FOXP2: variants seen among roughly 807,000 people sequenced by gnomAD.
FOXP2 encodes the protein forkhead box P2, also known as forkhead box protein P2.
A neutral mutation model predicts 115.8 loss-of-function variants in FOXP2; 12 were observed. The observed-to-expected ratio is 0.10, with a 90% CI of 0.07 to 0.17. FOXP2 has a LOEUF of 0.17. FOXP2 is among the 10% of genes least tolerant of loss of function. The pLI is 1.00. For synonymous variants in FOXP2, 328 were observed against 297.7 expected (o/e 1.10, Z -1.05); for missense variants, 629 against 843.5 (o/e 0.75, Z 3.15).
intron 1 of FOXP2, among the ~76,000 whole-genome samples, chr7:114,096,127 G>T (rs764020999): frequency 3.4e-4 from 52 of 152,120 alleles, no homozygotes; most frequent in Non-Finnish European, 6.3e-4. Context: ...TGAAGTGTGC[G>T]AAGGCGACTT....
intron 3 of FOXP2, among the ~76,000 whole-genome samples, chr7:114,557,947 T>C (rs1201701464): frequency 6.6e-6 from 1 of 152,056 alleles, no homozygotes; most frequent in Admixed American, 6.6e-5. Context: ...TAGCTGGGAT[T>C]ACAGGTGCCC....
intron 1 of FOXP2, among the ~76,000 whole-genome samples, chr7:114,264,043 G>T (rs991158276): frequency 6.6e-6 from 1 of 151,926 alleles, no homozygotes; most frequent in Non-Finnish European, 1.5e-5. Flanking sequence ...TTACGCTGCC[G>T]CCCAGGAGTT....
At chr7:114,155,770 A>C (rs1764909469) in intron 1 of FOXP2, among the ~76,000 whole-genome samples, 1 of 152,168 alleles carries the variant, frequency 6.6e-6, no homozygotes, top group Admixed American at 6.5e-5. Context: ...AGCAGGAGTG[A>C]AAGTTTATTA....
chr7:114,128,264 T>C (rs1303568978), intron 1 of FOXP2, among the ~76,000 whole-genome samples: 1 of 152,176 alleles, frequency 6.6e-6, no homozygotes, highest in Admixed American at 6.6e-5. Flanking sequence ...CAACTCTTAA[T>C]GGATACATTT....
chr7:114,089,546 G>A (rs1799500297), intron 1 of FOXP2, among the ~76,000 whole-genome samples: 1 of 151,834 alleles, frequency 6.6e-6, no homozygotes, highest in Non-Finnish European at 1.5e-5. Flanking sequence ...GGTGGAAATA[G>A]GCCCTTAATT....
At chr7:114,505,815 T>A (rs1290275524) in intron 2 of FOXP2, among the ~76,000 whole-genome samples, 1 of 151,642 alleles carries the variant, frequency 6.6e-6, no homozygotes, top group Non-Finnish European at 1.5e-5. Flanking sequence ...AAAAGTCATG[T>A]ATTTTATGTA....
rs1467734154 is a variant in FOXP2 at position 114,566,046 on chromosome 7, C to T, written c.258+31340C>T. On this transcript the variant is annotated intron_variant, in intron 3 of 16. Coordinates refer to ENST00000350908, the MANE Select transcript of FOXP2 (RefSeq NM_014491.4). ...ATTTGCAAAGCTAAAATGTGTTATC[C>T]TGGCACAACCCAATAGCTACATTGT... 2.6e-5 allele frequency among the ~76,000 whole-genome samples: 4 copies of T among 152,244 alleles called. No individual in the cohort carries two copies. In the South Asian group the frequency reaches 6.2e-4, roughly 24 times the overall value.
chr7:114,652,948 C>A (rs1806358049), intron 9 of FOXP2, among the ~76,000 whole-genome samples: 1 of 152,032 alleles, frequency 6.6e-6, no homozygotes, highest in Non-Finnish European at 1.5e-5. Flanking sequence ...AATCAGAAAG[C>A]AATTATGTCA....
intron 1 of FOXP2, among the ~76,000 whole-genome samples, chr7:114,276,323 A>G (rs1403498070): frequency 1.3e-5 from 2 of 151,786 alleles, no homozygotes; most frequent in Non-Finnish European, 2.9e-5. Context: ...ATGCCTGGCT[A>G]ATTTTTATAT....
At chr7:114,621,824 A>G (rs886911893) in intron 3 of FOXP2, among the ~76,000 whole-genome samples, 1 of 152,018 alleles carries the variant, frequency 6.6e-6, no homozygotes, top group Admixed American at 6.6e-5. Context: ...TTATCAATAA[A>G]CACTTAAAAA....
chr7:114,334,658 A>G (rs1256343504), intron 2 of FOXP2, among the ~76,000 whole-genome samples: 1 of 151,174 alleles, frequency 6.6e-6, no homozygotes, highest in Non-Finnish European at 1.5e-5. Context: ...AAACCCATAG[A>G]GAAACTGGGT....
intron 1 of FOXP2, among the ~76,000 whole-genome samples, chr7:114,118,099 C>T (rs1350684949): frequency 6.6e-6 from 1 of 152,120 alleles, no homozygotes; most frequent in Non-Finnish European, 1.5e-5. Context: ...GTAGAGTCTT[C>T]TTTCCACCAT....
intron 1 of FOXP2, among the ~76,000 whole-genome samples, chr7:114,173,578 G>A (rs1422517924): frequency 6.6e-6 from 1 of 151,686 alleles, no homozygotes; most frequent in Non-Finnish European, 1.5e-5. Flanking sequence ...AATGTCTAGG[G>A]AAAATGCATC....
At chr7:114,372,723 T>C (rs990292698) in intron 2 of FOXP2, among the ~76,000 whole-genome samples, 1 of 152,016 alleles carries the variant, frequency 6.6e-6, no homozygotes, top group Non-Finnish European at 1.5e-5. Flanking sequence ...TTTTTTTTGG[T>C]TTTTTTGTTT....
chr7:114,095,091 G>T (rs1416708869), intron 1 of FOXP2, among the ~76,000 whole-genome samples: 1 of 152,134 alleles, frequency 6.6e-6, no homozygotes, highest in African/African-American at 2.4e-5. Flanking sequence ...AAAGTATCTA[G>T]TTATTATCCC....
chr7:114,140,885 A>T (rs4730625), intron 1 of FOXP2, among the ~76,000 whole-genome samples: 6 of 152,188 alleles, frequency 3.9e-5, no homozygotes, highest in African/African-American at 1.4e-4. Context: ...TCTGTGATAC[A>T]CAAGGATGTT....
chr7:114,388,711 A>G (rs889559558), intron 2 of FOXP2, among the ~76,000 whole-genome samples: 1 of 152,238 alleles, frequency 6.6e-6, no homozygotes, highest in African/African-American at 2.4e-5. Context: ...ATGGACAATT[A>G]CTTGTTATTT....
chr7:114,586,847 A>C (rs567447670), intron 3 of FOXP2, among the ~76,000 whole-genome samples: 2 of 152,160 alleles, frequency 1.3e-5, no homozygotes, highest in East Asian at 3.9e-4. Flanking sequence ...ATTTTAAACA[A>C]CATTGCTTAC....
At chr7:114,510,380 G>A (rs1038764260) in intron 2 of FOXP2, among the ~76,000 whole-genome samples, 1 of 152,032 alleles carries the variant, frequency 6.6e-6, no homozygotes, top group Admixed American at 6.6e-5. Context: ...TGGTGTTTAA[G>A]GCATGGTAGA....
Sources: gnomAD v4.1 joint callset for allele counts (sites outside exome capture counted in the v4.1 genomes callset) on GRCh38, gnomAD v4.1.1 for gene constraint, MANE v1.5 for transcripts, NCBI Gene and HGNC (gene_info 2026-07-23, HGNC 2026-07-21) for gene names.